The following FBN2 variants were observed in gnomAD, a reference collection of about 807,000 sequenced individuals.
The protein encoded by FBN2 is fibrillin-2.
In FBN2, 105 loss-of-function variants were observed where a neutral mutation model predicts 355.6. The observed-to-expected ratio is 0.30, with a 90% CI of 0.25 to 0.35. The LOEUF is 0.35. FBN2 is among the 10% of genes least tolerant of loss of function. The pLI is 1.00. For missense variants in FBN2, 3,280 were observed against 3,758.7 expected, an observed-to-expected ratio of 0.87 and a Z score of 3.33; for synonymous variants, 1,350 against 1,301.2, an observed-to-expected ratio of 1.04 and a Z score of -0.81.
rs1581251904 is a variant in FBN2, at chr5:128,378,985, C to T, written c.1604-95G>A. The T allele has an allele frequency of 6.6e-6, 9 of 1,357,816 alleles. No individual in the cohort carries two copies. In the East Asian group the frequency reaches 2.1e-4, roughly 31 times the overall value. 84.1% of individuals were successfully genotyped at this position (1,357,816 alleles called of 1,614,324 possible). ...AGTCCTCTAAAGTTTGAGAGAAGGC[C>T]AGTCAGTGGTAATAGTCTAAATAGC... On this transcript the variant is annotated intron_variant, in intron 11 of 64. Transcript: ENST00000262464.
chr5:128,266,308 T>C (rs1478757182), intron 62 of FBN2, among the ~76,000 whole-genome samples: 2 of 152,218 alleles, frequency 1.3e-5, no homozygotes, highest in African/African-American at 4.8e-5. Context: ...AGAATAAGCT[T>C]ACAAATTAAT....
At chr5:128,527,803 C>A in intron 4 of FBN2, 69 bp downstream of exon 4, 1 of 1,110,758 alleles carries the variant, frequency 9.0e-7, no homozygotes, top group South Asian at 1.3e-5. Flanking sequence ...ATTTATGAGA[C>A]CTTAAATTAT....
chr5:128,292,093 C>T (rs971680947), intron 48 of FBN2, among the ~76,000 whole-genome samples: 4 of 152,156 alleles, frequency 2.6e-5, no homozygotes, highest in African/African-American at 9.7e-5. Flanking sequence ...GCAGCCATTT[C>T]TACCTCCTCA....
intron 61 of FBN2, among the ~76,000 whole-genome samples, chr5:128,272,768 A>G (rs1238021939): frequency 2.0e-5 from 3 of 152,108 alleles, no homozygotes; most frequent in African/African-American, 7.2e-5. Context: ...CTATCCATAA[A>G]GAGTAAAATA....
intron 16 of FBN2, among the ~76,000 whole-genome samples, chr5:128,368,250 T>G (rs976729682): frequency 7.9e-5 from 12 of 151,946 alleles, no homozygotes; most frequent in African/African-American, 2.7e-4. Flanking sequence ...CTACTGTACT[T>G]ACGTATATTC....
At chr5:128,340,142 C>T (rs1239582260) in intron 25 of FBN2, among the ~76,000 whole-genome samples, 2 of 152,082 alleles carry the variant, frequency 1.3e-5, no homozygotes, top group African/African-American at 2.4e-5. Context: ...AAAACATGAC[C>T]TATTTACAAA....
rs55691384 is a variant in FBN2 at position 128,263,320 on chromosome 5, C to T, written c.8192+105G>A. The T allele has an allele frequency of 8.8e-4, 732 of 835,860 alleles. 1 individual carries two copies. In the East Asian group the frequency reaches 0.013, roughly 15 times the overall value. 51.8% of individuals were successfully genotyped at this position (835,860 alleles called of 1,614,324 possible). ...CGAAGAGTTCTAATCAATGCTTTTG[C>T]GGTTTGGCTTTTAGACACTGTACTC... On this transcript the variant is annotated intron_variant, in intron 63 of 64. Transcript: ENST00000262464.
chr5:128,323,884 C>A (rs1750464967), intron 34 of FBN2, among the ~76,000 whole-genome samples: 1 of 152,262 alleles, frequency 6.6e-6, no homozygotes, highest in African/African-American at 2.4e-5. Context: ...CTATTTGTAC[C>A]TCTGGATGAA....
rs79173750 is a variant in FBN2 at position 128,445,580 on chromosome 5, A to G, written c.952+901T>C. On this transcript the variant is annotated intron_variant, in intron 7 of 64. Transcript: ENST00000262464. Reference sequence around the variant, plus strand: ...CAAAAAATAAACTACTTTTGGAAAGAGAAAGAGCAAAAGACTTAATTTGAC... The same window carrying G: ...CAAAAAATAAACTACTTTTGGAAAGGGAAAGAGCAAAAGACTTAATTTGAC... Among the ~76,000 whole-genome samples, 1,130 of 152,316 alleles carry G rather than the reference A, an allele frequency of 7.4e-3. 14 individuals carry two copies. The highest frequency in any genetic ancestry group is 0.025 in the African/African-American group (1,059 of 41,586).
rs1442157798 is a variant in FBN2, at chr5:128,350,772, A to G, written c.2812+96T>C. On this transcript the variant is annotated intron_variant, in intron 21 of 64. Coordinates refer to ENST00000262464, the MANE Select transcript of FBN2 (RefSeq NM_001999.4). ...TTTTAGCAAAAGTAAATGATCTCTG[A>G]CCTTCTTCACTAAGGAACTGCGTAG... 8 of 1,379,802 alleles carry G rather than the reference A, an allele frequency of 5.8e-6. No individual in the cohort carries two copies. In the African/African-American group the frequency reaches 9.9e-5, roughly 17 times the overall value. The allele number at this position is 1,379,802 out of a possible 1,614,324, so 85.5% of individuals were successfully genotyped here. A position where few individuals can be genotyped will look rare whatever the true frequency, so the allele number is the denominator to read the frequency against.
intron 19 of FBN2, among the ~76,000 whole-genome samples, chr5:128,359,454 C>T (rs1371439090): frequency 6.6e-6 from 1 of 151,964 alleles, no homozygotes; most frequent in Non-Finnish European, 1.5e-5. Flanking sequence ...CTATTCTTTG[C>T]AAAACTCTTA....
chr5:128,426,678 C>T (rs1307006345), intron 7 of FBN2, among the ~76,000 whole-genome samples: 6 of 152,162 alleles, frequency 3.9e-5, no homozygotes, highest in Non-Finnish European at 8.8e-5. Context: ...GGGTGAGCAT[C>T]CCCCAGGCTC....
At chr5:128,289,371 G>A in intron 51 of FBN2, 119 bp from the exon 52 acceptor site, 3 of 1,000,296 alleles carry the variant, frequency 3.0e-6, no homozygotes, top group Non-Finnish European at 4.7e-6. Flanking sequence ...ATCACCTGAG[G>A]TCAGGAGCTT....
At chr5:128,482,307 G>C (rs1486013238) in intron 5 of FBN2, among the ~76,000 whole-genome samples, 1 of 152,118 alleles carries the variant, frequency 6.6e-6, no homozygotes, top group East Asian at 1.9e-4. Context: ...CCCAGCAAGA[G>C]GACGATGAAG....
In FBN2 at chr5:128,436,888, G is replaced by A. The variant is rs115138302; in HGVS notation, c.952+9593C>T. Among the ~76,000 whole-genome samples, 466 of 152,218 alleles carry A rather than the reference G, an allele frequency of 3.1e-3. 6 individuals are homozygous for A. The highest frequency in any genetic ancestry group is 0.011 in the African/African-American group (437 of 41,532). On this transcript the variant is annotated intron_variant, in intron 7 of 64. Coordinates refer to ENST00000262464, the MANE Select transcript of FBN2 (RefSeq NM_001999.4). ...AGACACACAGTCCTGGGCTGAGGTGGAGATGTAGATCACTCACCCTAACTG... is the reference window on the plus strand; with the variant it reads ...AGACACACAGTCCTGGGCTGAGGTGAAGATGTAGATCACTCACCCTAACTG...
chr5:128,410,690 CTT>C (rs1484570463), intron 7 of FBN2, among the ~76,000 whole-genome samples: 2 of 152,032 alleles, frequency 1.3e-5, no homozygotes, highest in African/African-American at 4.8e-5. Flanking sequence ...TTGACATTTT[CTT>C]TTTTTGGATA....
At position 128,259,620 on chromosome 5, in the gene FBN2, C is replaced by T. The variant is rs573245869; in HGVS notation, c.8574G>A (p.Thr2858=). The T allele has an allele frequency of 3.2e-5, 52 of 1,613,974 alleles. 1 individual carries two copies. In the South Asian group the frequency reaches 3.4e-4, roughly 11 times the overall value. The part of the protein sequence containing the change: ...HQRNGLSYLH[T]AKKKLMPGTY... Reference sequence around the variant, plus strand: ...TGCCGGGCATGAGCTTCTTCTTGGCCGTGTGCAAGTAGCTGAGCCCATTCC... The same window carrying T: ...TGCCGGGCATGAGCTTCTTCTTGGCTGTGTGCAAGTAGCTGAGCCCATTCC... The change falls in exon 65 of 65, where the codon ACG becomes ACA. Residue 2858 remains threonine, a synonymous_variant. Coordinates refer to ENST00000262464, the MANE Select transcript of FBN2 (RefSeq NM_001999.4).
chr5:128,492,321 T>C (rs371398965), intron 5 of FBN2, among the ~76,000 whole-genome samples: 3 of 152,180 alleles, frequency 2.0e-5, no homozygotes, highest in East Asian at 3.9e-4. Flanking sequence ...CACTGTCCAA[T>C]AGCCTACTAT....
chr5:128,473,363 A>T (rs1561473937), intron 5 of FBN2, among the ~76,000 whole-genome samples: 1 of 152,204 alleles, frequency 6.6e-6, no homozygotes, highest in Non-Finnish European at 1.5e-5. Flanking sequence ...CCCATTCTTG[A>T]AAACTAGAAA....
Sources: allele counts gnomAD v4.1 joint callset (sites outside exome capture counted in the v4.1 genomes callset), GRCh38; gene constraint gnomAD v4.1.1; transcripts MANE v1.5; gene names NCBI Gene and HGNC (gene_info 2026-07-23, HGNC 2026-07-21).